CDH13: variants seen among roughly 807,000 people sequenced by gnomAD.
CDH13 encodes the protein cadherin 13, also known as cadherin-13.
Under a neutral mutation model 63.8 loss-of-function variants are expected in CDH13, and 24 were observed. That is an observed-to-expected ratio of 0.38 (90% confidence interval 0.27 to 0.53). CDH13 has a LOEUF of 0.53. Ranked by LOEUF, CDH13 falls within the 20% of genes least tolerant of loss-of-function variation. The probability of loss-of-function intolerance (pLI) is 0.85; values close to 1 mark genes in which losing one functional copy is unlikely to be tolerated. For synonymous variants in CDH13, 503 were observed against 355.3 expected (o/e 1.42, Z -4.67); for missense variants, 1,049 against 903.1 (o/e 1.16, Z -2.07).
chr16:83,363,203 T>G (rs1299676853), intron 6 of CDH13, among the ~76,000 whole-genome samples: 1 of 152,198 alleles, frequency 6.6e-6, no homozygotes, highest in South Asian at 2.1e-4. Context: ...ACAGGTTGAT[T>G]TTCCTCGTAT....
intron 1 of CDH13, among the ~76,000 whole-genome samples, chr16:82,685,049 G>A (rs747886814): frequency 7.9e-5 from 12 of 151,424 alleles, no homozygotes; most frequent in Admixed American, 1.3e-4. Context: ...GTGTCTGGCC[G>A]GTAAACCTGC....
At chr16:83,144,536 C>G (rs1308842018) in intron 4 of CDH13, among the ~76,000 whole-genome samples, 2 of 152,202 alleles carry the variant, frequency 1.3e-5, no homozygotes, top group Admixed American at 1.3e-4. Context: ...ACTTTACGTT[C>G]AGGGCCTGGA....
At chr16:82,929,455 G>GA (rs2042408128) in intron 2 of CDH13, among the ~76,000 whole-genome samples, 1 of 151,636 alleles carries the variant, frequency 6.6e-6, no homozygotes, top group Admixed American at 6.6e-5. Flanking sequence ...ATCCTGGCTA[G>GA]ATGGTCTAGC....
chr16:83,159,522 T>C (rs1026342018), intron 4 of CDH13, among the ~76,000 whole-genome samples: 1 of 152,198 alleles, frequency 6.6e-6, no homozygotes, highest in Non-Finnish European at 1.5e-5. Context: ...AGAATTAAAC[T>C]GGTCAAGAAG....
In CDH13 at chr16:82,770,853, G is replaced by A. The variant is rs137987349; in HGVS notation, c.46-87509G>A. ...CTCCCGAGTAGCTGGGACTAAAAGC[G>A]CACACTGCCATGCCCGGCTAATGTT... is the stretch of plus-strand genomic sequence containing the variant. On this transcript the variant is annotated intron_variant, in intron 1 of 13. Coordinates refer to ENST00000567109, the MANE Select transcript of CDH13 (RefSeq NM_001257.5). Among the ~76,000 whole-genome samples the A allele has an allele frequency of 3.3e-4, 50 of 152,062 alleles. 1 individual carries two copies. In the East Asian group the frequency reaches 9.1e-3, roughly 28 times the overall value.
chr16:82,839,283 G>T (rs1324141664), intron 1 of CDH13, among the ~76,000 whole-genome samples: 1 of 152,172 alleles, frequency 6.6e-6, no homozygotes, highest in Non-Finnish European at 1.5e-5. Context: ...GGCCCTCTAG[G>T]CTTAGATGTG....
At chr16:83,648,787 C>G (rs1317362891) in intron 8 of CDH13, among the ~76,000 whole-genome samples, 1 of 152,142 alleles carries the variant, frequency 6.6e-6, no homozygotes, top group Non-Finnish European at 1.5e-5. Context: ...TGTCTCCTGT[C>G]TTTATTTTCT....
intron 11 of CDH13, among the ~76,000 whole-genome samples, chr16:83,772,209 T>C (rs536462924): frequency 3.3e-5 from 5 of 150,958 alleles, no homozygotes; most frequent in African/African-American, 4.9e-5. Flanking sequence ...GAGGGAGCCA[T>C]ACTTCAGGAA....
chr16:83,778,210 T>C, intron 11 of CDH13, among the ~76,000 whole-genome samples: 1 of 152,266 alleles, frequency 6.6e-6, no homozygotes, highest in East Asian at 1.9e-4. Flanking sequence ...CTGAGTTTTA[T>C]TAACATTGTT....
chr16:82,776,322 GA>G (rs1280757410), intron 1 of CDH13, among the ~76,000 whole-genome samples: 1 of 152,022 alleles, frequency 6.6e-6, no homozygotes, highest in East Asian at 1.9e-4. Context: ...GAAAAGAAAA[GA>G]AAAGGCACTA....
chr16:82,794,630 A>G (rs2036491427), intron 1 of CDH13, among the ~76,000 whole-genome samples: 1 of 152,154 alleles, frequency 6.6e-6, no homozygotes, highest in Non-Finnish European at 1.5e-5. Context: ...ATTTTCTCAA[A>G]CAGAAGCTTA....
chr16:83,082,849 G>A lies in CDH13; in HGVS notation c.367-42536G>A, dbSNP rs954186845. 1.2e-4 allele frequency among the ~76,000 whole-genome samples: 18 copies of A among 152,168 alleles called. No homozygotes were observed. In the East Asian group the frequency reaches 1.9e-3, roughly 16 times the overall value. ...GTCAATATTAATTAGCAAAGCATTC[G>A]GTGCTGCTGTTTTAACAGCAACAGT... is the stretch of plus-strand genomic sequence containing the variant. On this transcript the variant is annotated intron_variant, in intron 3 of 13. Transcript: ENST00000567109.
chr16:83,691,078 G>A lies in CDH13; in HGVS notation c.1538+12617G>A, dbSNP rs1345559537. Among the ~76,000 whole-genome samples, 7 of 3,702 alleles carry A rather than the reference G, an allele frequency of 1.9e-3. No homozygotes were observed. In the East Asian group the frequency reaches 0.071, roughly 38 times the overall value. The allele number at this position is 3,702 out of a possible 152,430, so 2.4% of individuals were successfully genotyped here. Reference sequence around the variant, plus strand: ...TTTGCTAACCAACTGTGCCGTGTGTGTGTGTGTGTGTGTGTGTGTGTGTGT... The same window carrying A: ...TTTGCTAACCAACTGTGCCGTGTGTATGTGTGTGTGTGTGTGTGTGTGTGT... On this transcript the variant is annotated intron_variant, in intron 10 of 13. Transcript: ENST00000567109.
At chr16:82,990,910 A>G (rs566375081) in intron 2 of CDH13, among the ~76,000 whole-genome samples, 3 of 152,224 alleles carry the variant, frequency 2.0e-5, no homozygotes, top group Non-Finnish European at 4.4e-5. Flanking sequence ...TGTTGACTCA[A>G]GAATTAAAGG....
chr16:83,731,518 G>A (rs181300360), intron 10 of CDH13, among the ~76,000 whole-genome samples: 30 of 152,256 alleles, frequency 2.0e-4, no homozygotes, highest in Middle Eastern at 6.8e-3. Flanking sequence ...GTAGTTGTTT[G>A]CTTGTTGAGT....
chr16:83,171,160 T>C (rs775148456), intron 4 of CDH13, among the ~76,000 whole-genome samples: 44 of 152,184 alleles, frequency 2.9e-4, no homozygotes, highest in East Asian at 7.7e-4. Flanking sequence ...AGGAAACTTA[T>C]AGTCATGGTG....
At chr16:82,638,736 C>T (rs978956564) in intron 1 of CDH13, among the ~76,000 whole-genome samples, 4 of 147,636 alleles carry the variant, frequency 2.7e-5, no homozygotes, top group African/African-American at 9.9e-5. Flanking sequence ...ATTCATGCCT[C>T]ATAAAATCAT....
At chr16:83,632,212 C>A (rs186942961) in intron 8 of CDH13, among the ~76,000 whole-genome samples, 5 of 152,268 alleles carry the variant, frequency 3.3e-5, no homozygotes, top group Admixed American at 1.3e-4. Flanking sequence ...TTCCCTGAAT[C>A]CCAGTTCTGT....
chr16:83,582,601 C>G (rs1347527455), intron 7 of CDH13, among the ~76,000 whole-genome samples: 1 of 152,290 alleles, frequency 6.6e-6, no homozygotes, highest in Middle Eastern at 3.4e-3. Flanking sequence ...TGTTAGGACA[C>G]ACAGGAGCCT....
Sources: allele counts gnomAD v4.1 joint callset (sites outside exome capture counted in the v4.1 genomes callset), GRCh38; gene constraint gnomAD v4.1.1; transcripts MANE v1.5; gene names NCBI Gene and HGNC (gene_info 2026-07-23, HGNC 2026-07-21).